Variants in ASMT observed in about 807,000 individuals in gnomAD.
ASMT encodes the protein acetylserotonin N-methyltransferase.
Under a neutral mutation model 41.3 loss-of-function variants are expected in ASMT, and 53 were observed. The ratio of observed to expected loss-of-function variants is 1.28; its 90% CI spans 1.03 to 1.61. The LOEUF is 1.61. Among genes scored for constraint, ASMT ranks in the 40% most tolerant of loss-of-function variants. ASMT has a pLI of 0.00. For synonymous variants in ASMT, 231 were observed against 184.8 expected (o/e 1.25, Z -2.03); for missense variants, 531 against 441.3 (o/e 1.20, Z -1.82).
intron 7 of ASMT, 97 bp from the exon 8 acceptor site, chrX:1,636,341 G>T (rs1934961269): frequency 3.2e-6 from 5 of 1,565,030 alleles, no homozygotes; most frequent in Non-Finnish European, 8.8e-7. Context: ...CCTGGGAAAG[G>T]CGTGACCCAT....
intron 8 of ASMT, 53 bp downstream of exon 8, chrX:1,636,613 G>C (rs1934976518): frequency 2.5e-6 from 4 of 1,613,092 alleles, no homozygotes; most frequent in Admixed American, 3.3e-5. Flanking sequence ...GGGCAGAATT[G>C]TACGAGTCAC....
intron 1 of ASMT, among the ~76,000 whole-genome samples, chrX:1,617,623 T>C (rs1328992694): frequency 6.8e-6 from 1 of 148,018 alleles, no homozygotes; most frequent in Admixed American, 6.7e-5. Flanking sequence ...TTTTTTTCCT[T>C]TTTTTTTTTC....
At chrX:1,627,653 TGAAATGAAATGAAA>T (rs756772326) in intron 3 of ASMT, 36 bp from the exon 4 acceptor site, 1 of 1,360,596 alleles carries the variant, frequency 7.3e-7, no homozygotes, top group African/African-American at 1.5e-5. Context: ...TGAAATGAAA[TGAAATGAAATGAAA>T]TGAAATGAAA....
chrX:1,634,660 C>G (rs1300718061), intron 7 of ASMT, among the ~76,000 whole-genome samples: 1 of 150,476 alleles, frequency 6.6e-6, no homozygotes, highest in Non-Finnish European at 1.5e-5. Flanking sequence ...TTAACCCCCC[C>G]CCTTTTTTTT....
At chrX:1,627,069 A>C (rs1423723160) in intron 3 of ASMT, among the ~76,000 whole-genome samples, 3 of 148,976 alleles carry the variant, frequency 2.0e-5, no homozygotes, top group Admixed American at 1.4e-4. Flanking sequence ...TCACGCCTGT[A>C]ATCCCAGCAC....
intron 7 of ASMT, among the ~76,000 whole-genome samples, chrX:1,635,636 C>T (rs372832131): frequency 3.9e-5 from 6 of 151,956 alleles, no homozygotes; most frequent in South Asian, 2.1e-4. Context: ...CCGAGGCGGG[C>T]GGATCACCTC....
intron 2 of ASMT, among the ~76,000 whole-genome samples, chrX:1,623,857 C>G (rs1934425593): frequency 6.6e-6 from 1 of 152,038 alleles, no homozygotes; most frequent in Admixed American, 6.6e-5. Context: ...TCACGTTGGC[C>G]AGGCCGGTCT....
At position 1,629,817 on chromosome X, in the gene ASMT, C is replaced by A; in HGVS notation, c.444-4C>A. The A allele has an allele frequency of 6.2e-7, 1 of 1,613,704 alleles. No individual in the cohort carries two copies. Among genetic ancestry groups the A allele is most frequent in the Non-Finnish European group, 8.5e-7 (1 of 1,179,674 alleles). On this transcript the variant is annotated splice_region_variant and splice_polypyrimidine_tract_variant and intron_variant, in intron 4 of 8. Coordinates refer to ENST00000381241, the MANE Select transcript of ASMT (RefSeq NM_001171038.2). ...ATCTTGACAAGCGTGGTTTTGCATGCCAGGTCCGAGGGCGAGCGGCTACAG... is the reference window on the plus strand; with the variant it reads ...ATCTTGACAAGCGTGGTTTTGCATGACAGGTCCGAGGGCGAGCGGCTACAG...
At chrX:1,631,059 C>A (rs751595173) in intron 5 of ASMT, among the ~76,000 whole-genome samples, 3 of 146,812 alleles carry the variant, frequency 2.0e-5, no homozygotes, top group African/African-American at 7.4e-5. Flanking sequence ...TACAGGCGCC[C>A]GCCACCACGC....
intron 8 of ASMT, among the ~76,000 whole-genome samples, chrX:1,641,236 C>A (rs184485344): frequency 0.042 from 92 of 2,168 alleles, 12 homozygotes; most frequent in Admixed American, 0.052. Flanking sequence ...AGATCCATCC[C>A]TCCTGATGGT....
rs757530891 is a variant in ASMT at position 1,633,238 on chromosome X, G to C, written c.735G>C (p.Thr245=). Reference sequence around the variant, plus strand: ...TTGACATCCCAGAAGTGGTGTGGACGGCAAAGCAGCACTTCTCATTCCAGG... The same window carrying C: ...TTGACATCCCAGAAGTGGTGTGGACCGCAAAGCAGCACTTCTCATTCCAGG... The part of the protein sequence containing the change: ...TVFDIPEVVW[T]AKQHFSFQEE... The change falls in exon 7 of 9, where the codon ACG becomes ACC. Residue 245 remains threonine (T), a synonymous_variant. Transcript: ENST00000381241. The C allele has an allele frequency of 3.7e-6, 6 of 1,613,762 alleles. No individual in the cohort carries two copies. The highest frequency in any genetic ancestry group is 3.3e-5 in the Admixed American group (2 of 59,958).
In ASMT at chrX:1,627,808, A is replaced by T. The variant is rs759020688; in HGVS notation, c.443+37A>T. On this transcript the variant is annotated intron_variant, in intron 4 of 8. Transcript: ENST00000381241. The stretch of plus-strand genomic sequence containing the variant: ...CACTTTGAAACCAACAACTCAGATA[A>T]GATTCTGTTTATTTTTAAAGGACTT... The T allele has an allele frequency of 4.4e-6, 7 of 1,588,276 alleles. No homozygotes were observed. In the Admixed American group the frequency reaches 8.3e-5, roughly 19 times the overall value.
At chrX:1,633,098 G>A (rs192981392) in intron 6 of ASMT, 52 bp from the exon 7 acceptor site, 14 of 1,611,440 alleles carry the variant, frequency 8.7e-6, no homozygotes, top group Middle Eastern at 1.7e-4. Flanking sequence ...GAGGGTGAGC[G>A]ATGTCTCTCA....
At chrX:1,627,967 G>A in intron 4 of ASMT, 196 bp downstream of exon 4, 1 of 648,426 alleles carries the variant, frequency 1.5e-6, no homozygotes, top group Middle Eastern at 4.2e-4. Context: ...AATTCCTGAG[G>A]AGGTGCAACG....
intron 1 of ASMT, among the ~76,000 whole-genome samples, chrX:1,620,790 G>A (rs1195998249): frequency 6.6e-6 from 1 of 152,254 alleles, no homozygotes; most frequent in East Asian, 1.9e-4. Flanking sequence ...TCGGGAGGCT[G>A]AGGCAGGAGA....
intron 5 of ASMT, among the ~76,000 whole-genome samples, chrX:1,631,114 C>T (rs1264928096): frequency 1.3e-5 from 2 of 151,414 alleles, no homozygotes; most frequent in East Asian, 3.9e-4. Context: ...CGGGGTTTCT[C>T]CGTGTTAGCC....
intron 8 of ASMT, among the ~76,000 whole-genome samples, chrX:1,642,184 G>T (rs1485025085): frequency 4.1e-5 from 6 of 145,838 alleles, no homozygotes; most frequent in Non-Finnish European, 7.5e-5. Context: ...CAGCCTCTCT[G>T]TGTGTGATAA....
chrX:1,641,725 T>G (rs1935179830), intron 8 of ASMT, among the ~76,000 whole-genome samples: 1 of 147,654 alleles, frequency 6.8e-6, no homozygotes, highest in Admixed American at 7.0e-5. Flanking sequence ...TCCTGTGAGG[T>G]CCACCCATCC....
rs1214116272 is a variant in ASMT, at chrX:1,637,106, C to G, written c.910+546C>G. Reference sequence around the variant, plus strand: ...GTGAGATAAGGACTGTGTCCCAGCTCTCCTGTGAGGTCCACCCATCCTGAT... The same window carrying G: ...GTGAGATAAGGACTGTGTCCCAGCTGTCCTGTGAGGTCCACCCATCCTGAT... On this transcript the variant is annotated intron_variant, in intron 8 of 8. Transcript: ENST00000381241. Among the ~76,000 whole-genome samples, 131 of 103,912 alleles carry G rather than the reference C, an allele frequency of 1.3e-3. 6 individuals are homozygous for G. The highest frequency in any genetic ancestry group is 4.9e-3 in the Middle Eastern group (1 of 206). 68.2% of individuals were successfully genotyped at this position (103,912 alleles called of 152,430 possible).
Sources: allele counts gnomAD v4.1 joint callset (sites outside exome capture counted in the v4.1 genomes callset), GRCh38; gene constraint gnomAD v4.1.1; transcripts MANE v1.5; gene names NCBI Gene and HGNC (gene_info 2026-07-23, HGNC 2026-07-21).